Variants in NRG1 observed in about 807,000 individuals in gnomAD.
NRG1 encodes the protein neuregulin 1, also known as pro-neuregulin-1, membrane-bound isoform.
NRG1 carries 18 observed loss-of-function variants against 63.8 expected under a neutral mutation model. The ratio of observed to expected loss-of-function variants is 0.28; its 90% CI spans 0.19 to 0.42. The LOEUF is 0.42. Among genes scored for constraint, NRG1 ranks in the 10% least tolerant of loss-of-function variants. The probability of loss-of-function intolerance (pLI) is 1.00; values close to 1 mark genes in which losing one functional copy is unlikely to be tolerated. For synonymous variants in NRG1, 302 were observed against 301.3 expected (o/e 1.00, Z -0.02); for missense variants, 762 against 814.7 (o/e 0.94, Z 0.79).
At position 31,935,600 on chromosome 8, in the gene NRG1, G is replaced by A. The variant is rs918121581; in HGVS notation, c.37+296169G>A. 2.0e-5 allele frequency among the ~76,000 whole-genome samples: 3 copies of A among 152,304 alleles called. No individual in the cohort carries two copies. In the South Asian group the frequency reaches 6.2e-4, roughly 32 times the overall value. ...GACAGGTGAGAAACTGAACCTCAGAGAGCATGGATTACTGACCCAGTATCA... is the reference window on the plus strand; with the variant it reads ...GACAGGTGAGAAACTGAACCTCAGAAAGCATGGATTACTGACCCAGTATCA... On this transcript the variant is annotated intron_variant, in intron 1 of 10. Coordinates refer to the NRG1 transcript ENST00000519301.
intron 1 of NRG1, chr8:32,221,257 A>G (rs1845783117): frequency 6.6e-6 from 1 of 152,158 alleles, no homozygotes; most frequent in Non-Finnish European, 1.5e-5. Flanking sequence ...CAGCAATGCA[A>G]TGTTTAGCTA....
At chr8:32,301,003 A>C (rs982609788) in intron 1 of NRG1, among the ~76,000 whole-genome samples, 3 of 152,212 alleles carry the variant, frequency 2.0e-5, no homozygotes, top group African/African-American at 4.8e-5. Context: ...CATTTGAAGA[A>C]AATGTTACAA....
intron 1 of NRG1, among the ~76,000 whole-genome samples, chr8:32,508,630 A>T (rs780520225): frequency 6.6e-6 from 1 of 151,862 alleles, no homozygotes; most frequent in Non-Finnish European, 1.5e-5. Flanking sequence ...AAACAAAAAC[A>T]AAGTTTTAAC....
intron 1 of NRG1, among the ~76,000 whole-genome samples, chr8:32,440,042 G>T (rs1263095840): frequency 6.6e-6 from 1 of 152,104 alleles, no homozygotes; most frequent in African/African-American, 2.4e-5. Flanking sequence ...GGCTGGGGAG[G>T]CCTCAGGAAA....
At chr8:32,167,517 A>G (rs1479426338) in intron 1 of NRG1, among the ~76,000 whole-genome samples, 1 of 152,236 alleles carries the variant, frequency 6.6e-6, no homozygotes, top group Non-Finnish European at 1.5e-5. Flanking sequence ...TCTACAAAAT[A>G]ACCCTCCACT....
chr8:31,695,593 T>C (rs889266469), intron 1 of NRG1, among the ~76,000 whole-genome samples: 3 of 152,188 alleles, frequency 2.0e-5, no homozygotes, highest in Non-Finnish European at 2.9e-5. Flanking sequence ...TGTCCCAACA[T>C]TGGGGATTAC....
intron 11 of NRG1, chr8:32,763,373 GTAA>G: frequency 6.2e-7 from 1 of 1,612,064 alleles, no homozygotes; most frequent in Non-Finnish European, 8.5e-7. Context: ...TAGTATTTAA[GTAA>G]TACTTCTTTC....
At chr8:32,656,844 A>G (rs1554621614) in intron 5 of NRG1, among the ~76,000 whole-genome samples, 1 of 125,560 alleles carries the variant, frequency 8.0e-6, no homozygotes, top group Non-Finnish European at 1.7e-5. Context: ...TAAAATGGAA[A>G]GCTTCCTCAG....
At chr8:32,271,059 C>G (rs1851493810) in intron 1 of NRG1, among the ~76,000 whole-genome samples, 1 of 152,072 alleles carries the variant, frequency 6.6e-6, no homozygotes, top group Admixed American at 6.6e-5. Flanking sequence ...TTTTTGCCCT[C>G]TTTTCCTAGA....
chr8:32,416,690 GTT>G (rs1815965849), intron 1 of NRG1, among the ~76,000 whole-genome samples: 1 of 151,836 alleles, frequency 6.6e-6, no homozygotes, highest in African/African-American at 2.4e-5. Flanking sequence ...TTTTGTGGTT[GTT>G]TTGTTTTGTT....
chr8:31,988,454 T>G (rs1810467619), intron 1 of NRG1, among the ~76,000 whole-genome samples: 1 of 152,088 alleles, frequency 6.6e-6, no homozygotes, highest in Admixed American at 6.6e-5. Context: ...CTTTGTGGAT[T>G]GGCCAAAACT....
chr8:32,286,692 C>T (rs1264193223), intron 1 of NRG1, among the ~76,000 whole-genome samples: 2 of 152,086 alleles, frequency 1.3e-5, no homozygotes, highest in African/African-American at 4.8e-5. Context: ...TACCCTTTAC[C>T]TTCCACCATG....
At chr8:31,756,681 A>G (rs764444462) in intron 1 of NRG1, among the ~76,000 whole-genome samples, 12 of 152,094 alleles carry the variant, frequency 7.9e-5, no homozygotes, top group Non-Finnish European at 1.8e-4. Context: ...TTTTACTACT[A>G]TTAGAAACAA....
intron 1 of NRG1, among the ~76,000 whole-genome samples, chr8:32,372,857 G>A (rs1809095632): frequency 6.6e-6 from 1 of 152,078 alleles, no homozygotes; most frequent in South Asian, 2.1e-4. Flanking sequence ...GTGTCTGCAG[G>A]GGCTATAAGC....
intron 1 of NRG1, among the ~76,000 whole-genome samples, chr8:32,573,586 T>G (rs2129529166): frequency 6.6e-6 from 1 of 152,316 alleles, no homozygotes; most frequent in Admixed American, 6.5e-5. Context: ...ATTAGGAATC[T>G]GAGTTAGGAT....
intron 1 of NRG1, among the ~76,000 whole-genome samples, chr8:32,497,184 C>T (rs558850087): frequency 7.2e-5 from 11 of 152,162 alleles, no homozygotes; most frequent in South Asian, 2.1e-4. Context: ...CGGTGGCTCA[C>T]GCCTGTAATC....
At chr8:32,401,668 A>G (rs1587392474) in intron 1 of NRG1, among the ~76,000 whole-genome samples, 1 of 152,186 alleles carries the variant, frequency 6.6e-6, no homozygotes, top group Non-Finnish European at 1.5e-5. Context: ...CTCACTTATC[A>G]GTGGGAGCTA....
intron 1 of NRG1, among the ~76,000 whole-genome samples, chr8:31,929,462 A>G (rs1834686505): frequency 6.6e-6 from 1 of 151,834 alleles, no homozygotes; most frequent in Non-Finnish European, 1.5e-5. Context: ...TCTCTTGATA[A>G]GCATTATTTT....
At chr8:32,543,563 C>T (rs1832778010), upstream of NRG1, among the ~76,000 whole-genome samples, 2 of 152,034 alleles carry the variant, frequency 1.3e-5, no homozygotes, top group Admixed American at 1.3e-4. Flanking sequence ...AGAAGAAATT[C>T]AGCAATAGTA....
Sources: gnomAD v4.1 joint callset for allele counts (sites outside exome capture counted in the v4.1 genomes callset) on GRCh38, gnomAD v4.1.1 for gene constraint, MANE v1.5 for transcripts, NCBI Gene and HGNC (gene_info 2026-07-23, HGNC 2026-07-21) for gene names.